The following INO80D variants were observed in gnomAD, a reference collection of about 807,000 sequenced individuals.
The protein encoded by INO80D is INO80 complex subunit D.
INO80D carries 21 observed loss-of-function variants against 87.6 expected under a neutral mutation model. The ratio of observed to expected loss-of-function variants is 0.24; its 90% CI spans 0.17 to 0.35. INO80D has a LOEUF of 0.35. INO80D is among the 10% of genes least tolerant of loss of function. The pLI, the probability that INO80D is intolerant of heterozygous loss-of-function variation, is 1.00. For synonymous variants in INO80D, 440 were observed against 491.0 expected (o/e 0.90, Z 1.37); for missense variants, 982 against 1,280.7 (o/e 0.77, Z 3.56).
At position 206,059,145 on chromosome 2, in the gene INO80D, C is replaced by T. The variant is rs537083262; in HGVS notation, c.219-2202G>A. On this transcript the variant is annotated intron_variant, in intron 3 of 10. Coordinates refer to ENST00000403263, the MANE Select transcript of INO80D (RefSeq NM_017759.5). The stretch of plus-strand genomic sequence containing the variant: ...CTTGTAATCCCAGCACTTTGGGAGG[C>T]CAAGGTGGGTGGATCACCTGAGGTC... 2.0e-5 allele frequency among the ~76,000 whole-genome samples: 3 copies of T among 151,884 alleles called. No individual in the cohort carries two copies. In the East Asian group the frequency reaches 5.8e-4, roughly 29 times the overall value.
At chr2:206,010,665 AATAAAATTAAAGC>A (rs1194609421) in intron 8 of INO80D, among the ~76,000 whole-genome samples, 1 of 152,228 alleles carries the variant, frequency 6.6e-6, no homozygotes, top group East Asian at 1.9e-4. Context: ...AACAAGAAAG[AATAAAATTAAAGC>A]ATAAATTCAG....
At chr2:206,020,541 G>A (rs1688435093) in intron 6 of INO80D, among the ~76,000 whole-genome samples, 1 of 152,096 alleles carries the variant, frequency 6.6e-6, no homozygotes, top group Non-Finnish European at 1.5e-5. Context: ...CCTCCAAAGT[G>A]AACTCACTTT....
intron 1 of INO80D, among the ~76,000 whole-genome samples, chr2:206,073,574 T>TA (rs1690030068): frequency 6.6e-6 from 1 of 152,102 alleles, no homozygotes; most frequent in Non-Finnish European, 1.5e-5. Context: ...AGTGCAGTGG[T>TA]ATGATTACGA....
intron 5 of INO80D, among the ~76,000 whole-genome samples, chr2:206,030,999 G>A (rs373474948): frequency 1.2e-4 from 18 of 152,282 alleles, no homozygotes; most frequent in African/African-American, 3.9e-4. Context: ...TTGTCAGCTG[G>A]CAAGGACCAG....
rs1292900681 is a variant in INO80D, at chr2:206,028,251, G to A, written c.1158C>T (p.Cys386=). 1.2e-6 allele frequency: 2 copies of A among 1,613,420 alleles called. No individual in the cohort carries two copies. Among genetic ancestry groups the A allele is most frequent in the African/African-American group, 2.7e-5 (2 of 74,922 alleles). Reference sequence around the variant, plus strand: ...GACGAGATTCTGCCCGCTCCAGGCGGCAGAGGTGCTTATATTTCTGCTGAA... The same window carrying A: ...GACGAGATTCTGCCCGCTCCAGGCGACAGAGGTGCTTATATTTCTGCTGAA... The part of the protein sequence containing the change: ...TYFQQKYKHL[C]RLERAESRQK... Residue 386 remains cysteine (C), a synonymous_variant, in exon 6 of 11, where the codon TGC becomes TGT. Transcript: ENST00000403263.
At position 205,994,759 on chromosome 2, in the gene INO80D, G is replaced by A. The variant is rs1172175821; in HGVS notation, c.*9609C>T. 2 of 151,402 alleles carry A rather than the reference G, an allele frequency of 1.3e-5. No homozygotes were observed. Among genetic ancestry groups the A allele is most frequent in the African/African-American group, 4.9e-5 (2 of 41,150 alleles). 9.4% of individuals were successfully genotyped at this position (151,402 alleles called of 1,614,324 possible). A position where few individuals can be genotyped will look rare whatever the true frequency, so the allele number is the denominator to read the frequency against. ...TCACAAAATAAAATAATATTTAATC[G>A]TTCTTCCTTAATAGTCTTGCATTCA... On this transcript the variant is annotated 3_prime_UTR_variant, in exon 11 of 11. Transcript: ENST00000403263.
rs1559422664 is a variant in INO80D, at chr2:205,995,615, C to T, written c.*8753G>A. 2 of 151,896 alleles carry T rather than the reference C, an allele frequency of 1.3e-5. No homozygotes were observed. Among genetic ancestry groups the T allele is most frequent in the Non-Finnish European group, 2.9e-5 (2 of 67,948 alleles). 9.4% of individuals were successfully genotyped at this position (151,896 alleles called of 1,614,324 possible). A position where few individuals can be genotyped will look rare whatever the true frequency, so the allele number is the denominator to read the frequency against. On this transcript the variant is annotated 3_prime_UTR_variant, in exon 11 of 11. Transcript: ENST00000403263. Reference sequence around the variant, plus strand: ...CCTTTGAATATCTATATATCTACTCCCACAATATATACTAGAGACATACTG... The same window carrying T: ...CCTTTGAATATCTATATATCTACTCTCACAATATATACTAGAGACATACTG...
intron 4 of INO80D, among the ~76,000 whole-genome samples, chr2:206,052,655 G>C (rs1193750516): frequency 6.6e-6 from 1 of 152,016 alleles, no homozygotes; most frequent in Non-Finnish European, 1.5e-5. Context: ...AGCCAGTTGT[G>C]GTAGTGTGTG....
intron 6 of INO80D, among the ~76,000 whole-genome samples, chr2:206,021,158 G>A (rs970201097): frequency 1.3e-5 from 2 of 152,212 alleles, no homozygotes; most frequent in East Asian, 1.9e-4. Flanking sequence ...CTGAGTTCAA[G>A]TCAGATATCA....
intron 5 of INO80D, among the ~76,000 whole-genome samples, chr2:206,045,216 A>G (rs1038345071): frequency 6.6e-6 from 1 of 152,194 alleles, no homozygotes; most frequent in Non-Finnish European, 1.5e-5. Flanking sequence ...AGTTTTGTTT[A>G]GTGACCATTT....
rs11306784 is a variant in INO80D, at chr2:205,994,874, C to CAAAAAA, written c.*9488_*9493dup. The CAAAAAA allele has an allele frequency of 1.0e-5, 1 of 98,428 alleles. No homozygotes were observed. The highest frequency in any genetic ancestry group is 2.0e-5 in the Non-Finnish European group (1 of 49,550). 6.1% of individuals were successfully genotyped at this position (98,428 alleles called of 1,614,324 possible). On this transcript the variant is annotated 3_prime_UTR_variant, in exon 11 of 11. Transcript: ENST00000403263. ...TCAAGCACATGCAACTTGGAACTCG[C>CAAAAAA]AAAAAAAAAAAAAAAAGAAAGAAAG...
At chr2:206,039,756 G>A (rs1374937135) in intron 5 of INO80D, among the ~76,000 whole-genome samples, 1 of 146,716 alleles carries the variant, frequency 6.8e-6, no homozygotes, top group East Asian at 2.0e-4. Flanking sequence ...GTTGCAGTGA[G>A]CCGAGATTGC....
At chr2:206,014,891 T>C (rs771769107) in intron 8 of INO80D, among the ~76,000 whole-genome samples, 1 of 152,192 alleles carries the variant, frequency 6.6e-6, no homozygotes, top group African/African-American at 2.4e-5. Flanking sequence ...GATAGTGATA[T>C]GGACAATGAA....
At position 206,004,441 on chromosome 2, in the gene INO80D, G is replaced by GTAGGAGGGGC; in HGVS notation, c.3001_3010dup (p.Thr1004SerfsTer18). ...TGTGGCACCTGTTACTGTGAAGCCT[G>GTAGGAGGGGC]TAGGAGGGGCTATAGAGCTGTGGCT... On this transcript the variant is annotated frameshift_variant, in exon 11 of 11. Coordinates refer to ENST00000403263, the MANE Select transcript of INO80D (RefSeq NM_017759.5). LOFTEE classifies it high-confidence loss of function. This position sits in a 1 kb window ranked among gnomAD's most constrained non-coding sequence, Gnocchi z 4.9. 1 of 1,605,532 alleles carries GTAGGAGGGGC rather than the reference G, an allele frequency of 6.2e-7. No homozygotes were observed. The highest frequency in any genetic ancestry group is 8.5e-7 in the Non-Finnish European group (1 of 1,176,040).
chr2:206,078,061 C>CAAA (rs71410859), intron 1 of INO80D, among the ~76,000 whole-genome samples: 8,105 of 62,840 alleles, frequency 0.13, 1,457 homozygotes, highest in Non-Finnish European at 0.17. Context: ...GCAATGTTTA[C>CAAA]AAAAAAAAAA....
rs1174563449 is a variant in INO80D, at chr2:206,085,070, CAA to C, written c.-124+829_-124+830del. On this transcript the variant is annotated intron_variant, in intron 1 of 10. Transcript: ENST00000403263. The surrounding 1 kb of genome is among the most constrained non-coding windows in gnomAD (Gnocchi z 4.5). Reference sequence around the variant, plus strand: ...ACCTTCTTCAATGGACAGGAACTGGCAAAGAGTTTCAAAATAGCCGAGTGCGC... The same window carrying C: ...ACCTTCTTCAATGGACAGGAACTGGCAGAGTTTCAAAATAGCCGAGTGCGC... Among the ~76,000 whole-genome samples, 10 of 152,012 alleles carry C rather than the reference CAA, an allele frequency of 6.6e-5. No individual in the cohort carries two copies. The highest frequency in any genetic ancestry group is 1.2e-4 in the Non-Finnish European group (8 of 67,978).
At position 206,002,980 on chromosome 2, in the gene INO80D, C is replaced by A. The variant is rs1027016361; in HGVS notation, c.*1388G>T. On this transcript the variant is annotated 3_prime_UTR_variant, in exon 11 of 11. Coordinates refer to ENST00000403263, the MANE Select transcript of INO80D (RefSeq NM_017759.5). ...GAAAAAAGGTAGGCAAGAAACCTCACAAATTCATCTCATAGTCACAAACTT... is the reference window on the plus strand; with the variant it reads ...GAAAAAAGGTAGGCAAGAAACCTCAAAAATTCATCTCATAGTCACAAACTT... 8 of 152,104 alleles carry A rather than the reference C, an allele frequency of 5.3e-5. No homozygotes were observed. The highest frequency in any genetic ancestry group is 1.2e-4 in the Non-Finnish European group (8 of 68,016). The allele number at this position is 152,104 out of a possible 1,614,324, so 9.4% of individuals were successfully genotyped here.
rs1687830967 is a variant in INO80D at position 205,997,584 on chromosome 2, C to T, written c.*6784G>A. 6.6e-6 allele frequency: 1 copy of T among 152,152 alleles called. No homozygotes were observed. Among genetic ancestry groups the T allele is most frequent in the Non-Finnish European group, 1.5e-5 (1 of 68,002 alleles). 9.4% of individuals were successfully genotyped at this position (152,152 alleles called of 1,614,324 possible). A position where few individuals can be genotyped will look rare whatever the true frequency, so the allele number is the denominator to read the frequency against. On this transcript the variant is annotated 3_prime_UTR_variant, in exon 11 of 11. Coordinates refer to ENST00000403263, the MANE Select transcript of INO80D (RefSeq NM_017759.5). ...CAATAGATCTGTGGTCCCATCACCA[C>T]AATAGATAAACACAGCTCATGTCTG... is the stretch of plus-strand genomic sequence containing the variant.
intron 1 of INO80D, among the ~76,000 whole-genome samples, chr2:206,083,957 G>A (rs1336431801): frequency 6.6e-6 from 1 of 151,702 alleles, no homozygotes; most frequent in East Asian, 1.9e-4. Flanking sequence ...GGGGGTGGCA[G>A]GGTCTATTAA....
Sources: gnomAD v4.1 joint callset for allele counts (sites outside exome capture counted in the v4.1 genomes callset) on GRCh38, gnomAD v4.1.1 for gene constraint, Gnocchi (gnomAD v3.1) non-coding constraint, MANE v1.5 for transcripts, NCBI Gene and HGNC (gene_info 2026-07-23, HGNC 2026-07-21) for gene names.